RTN4: variants seen among roughly 807,000 people sequenced by gnomAD.
RTN4 encodes reticulon-4.
Under a neutral mutation model 90.4 loss-of-function variants are expected in RTN4, and 32 were observed. The observed-to-expected ratio is 0.35, with a 90% CI of 0.27 to 0.48. The LOEUF is 0.48. Among genes scored for constraint, RTN4 ranks in the 20% least tolerant of loss-of-function variants. RTN4 has a pLI of 0.99. For missense variants in RTN4, 1,706 were observed against 1,430.2 expected, an observed-to-expected ratio of 1.19 and a Z score of -3.11; for synonymous variants, 629 against 552.5, an observed-to-expected ratio of 1.14 and a Z score of -1.94.
chr2:55,131,938 A>G, the RTN4 span, among the ~76,000 whole-genome samples: 81 of 152,276 alleles, frequency 5.3e-4, no homozygotes, highest in Non-Finnish European at 7.3e-5. Context: ...TTATTACATG[A>G]TATTTTAACA....
intron 1 of RTN4, among the ~76,000 whole-genome samples, chr2:55,083,403 C>T (rs939289930): frequency 1.3e-5 from 2 of 152,056 alleles, no homozygotes; most frequent in Non-Finnish European, 2.9e-5. Context: ...AGCTGAGGCA[C>T]GAGGATTGCT....
Position 55,111,498 on chromosome 2 carries a change from G to A in RTN4, c.-214+1022C>T, listed in dbSNP as rs192191839. On this transcript the variant is annotated intron_variant, in intron 1 of 3. Coordinates refer to the RTN4 transcript ENST00000427710. ...AAATAAATGTTCCTCACTCCTGTTC[G>A]CATAAATCCACCTAGCTAGTGTTTG... is the stretch of plus-strand genomic sequence containing the variant. Among the ~76,000 whole-genome samples, 390 of 152,224 alleles carry A rather than the reference G, an allele frequency of 2.6e-3. 4 individuals are homozygous for A. Among genetic ancestry groups the A allele is most frequent in the Non-Finnish European group, 3.6e-3 (242 of 68,010 alleles).
Position 55,050,380 on chromosome 2 carries a change from G to A in RTN4, c.-80C>T, listed in dbSNP as rs1400574510. On this transcript the variant is annotated 5_prime_UTR_variant, in exon 1 of 9. Transcript: ENST00000337526. The surrounding 1 kb of genome is among the most constrained non-coding windows in gnomAD (Gnocchi z 4.6). ...CTCAGAGCCGCGGGCGGTTGTGGGG[G>A]TTGGGGAGGACTGAGAGGGGCTGGG... is the stretch of plus-strand genomic sequence containing the variant. The A allele has an allele frequency of 8.7e-6, 8 of 923,662 alleles. No individual in the cohort carries two copies. The highest frequency in any genetic ancestry group is 3.0e-5 in the East Asian group (1 of 33,004). The allele number at this position is 923,662 out of a possible 1,614,324, so 57.2% of individuals were successfully genotyped here.
intron 2 of RTN4, among the ~76,000 whole-genome samples, 171 bp from the exon 3 acceptor site, chr2:55,027,656 T>C (rs915979694): frequency 6.6e-6 from 1 of 151,652 alleles, no homozygotes; most frequent in Non-Finnish European, 1.5e-5. Context: ...TTACTGAAAA[T>C]ATTAAGCTAT....
Position 55,025,495 on chromosome 2 carries a change from T to C in RTN4, c.2604A>G (p.Ile868Met). Residue 868 changes from isoleucine (I) to methionine (M), a missense_variant, in exon 3 of 9, where the codon ATA (isoleucine) becomes ATG (methionine). Transcript: ENST00000337526. ...AACTGATCAATGTAGGGAACTCATCTATAATTTCAATTGGAGATGAATCTG... is the reference window on the plus strand; with the variant it reads ...AACTGATCAATGTAGGGAACTCATCCATAATTTCAATTGGAGATGAATCTG... ...TFSDSSPIEI[I>M]DEFPTLISSK... is the part of the protein sequence containing the mutation. The C allele has an allele frequency of 6.2e-7, 1 of 1,613,804 alleles. No homozygotes were observed. The highest frequency in any genetic ancestry group is 8.5e-7 in the Non-Finnish European group (1 of 1,179,810).
At chr2:55,012,588 T>A (rs1367263810) in intron 3 of RTN4, among the ~76,000 whole-genome samples, 1 of 152,126 alleles carries the variant, frequency 6.6e-6, no homozygotes, top group African/African-American at 2.4e-5. Context: ...ATTATGAAAA[T>A]CATATAATCT....
intron 1 of RTN4, among the ~76,000 whole-genome samples, chr2:55,096,696 A>C (rs1406797400): frequency 6.6e-6 from 1 of 152,124 alleles, no homozygotes; most frequent in Non-Finnish European, 1.5e-5. Context: ...CTCAATCTGA[A>C]CGCAAGCTAC....
intron 1 of RTN4, among the ~76,000 whole-genome samples, chr2:55,046,105 T>C (rs1251232610): frequency 6.6e-6 from 1 of 151,604 alleles, no homozygotes; most frequent in Admixed American, 6.5e-5. Flanking sequence ...TAAACAGCAA[T>C]GTTAAACAGA....
chr2:55,016,975 T>C (rs1364727941), intron 3 of RTN4, among the ~76,000 whole-genome samples: 4 of 152,198 alleles, frequency 2.6e-5, no homozygotes, highest in Non-Finnish European at 5.9e-5. Context: ...ATGGTACATA[T>C]TTATTTTCAA....
At chr2:55,131,819 G>A in the RTN4 span, among the ~76,000 whole-genome samples, 52 of 152,176 alleles carry the variant, frequency 3.4e-4, no homozygotes, top group Non-Finnish European at 6.0e-4. Flanking sequence ...AGGAGGCGGA[G>A]GTTGCAGTGA....
upstream of RTN4, chr2:55,050,863 G>C (rs2104988811): frequency 6.6e-6 from 1 of 152,234 alleles, no homozygotes; most frequent in Admixed American, 6.5e-5. The surrounding 1 kb of genome is among the most constrained non-coding windows in gnomAD (Gnocchi z 4.6). Context: ...GCGGGCTGCT[G>C]GCTGGGAGGG....
chr2:55,135,865 TC>T, the RTN4 span, among the ~76,000 whole-genome samples: 1 of 152,244 alleles, frequency 6.6e-6, no homozygotes, highest in Admixed American at 6.5e-5. Flanking sequence ...ATTGTGAGGT[TC>T]ATTCATGTTG....
chr2:55,063,804 C>A (rs563408601), intron 2 of RTN4, among the ~76,000 whole-genome samples: 1 of 151,956 alleles, frequency 6.6e-6, no homozygotes, highest in East Asian at 1.9e-4. Flanking sequence ...TTGCTTGAAC[C>A]TGGGAGGCAG....
chr2:55,042,680 T>A (rs1205823541), intron 1 of RTN4, among the ~76,000 whole-genome samples: 1 of 152,196 alleles, frequency 6.6e-6, no homozygotes, highest in Admixed American at 6.5e-5. Context: ...TTCGTAAGAT[T>A]TGGGATTTTT....
At chr2:55,010,012 T>A in intron 3 of RTN4, 1 of 1,526,142 alleles carries the variant, frequency 6.6e-7, no homozygotes, top group Non-Finnish European at 9.0e-7. Context: ...AATATCTAAA[T>A]TCCAAAGCTT....
chr2:55,118,512 G>C, the RTN4 span, among the ~76,000 whole-genome samples: 8 of 152,032 alleles, frequency 5.3e-5, no homozygotes, highest in African/African-American at 1.7e-4. Context: ...AAAGGGTATA[G>C]AATATGGTCC....
At chr2:55,053,065 A>G (rs1002615362), upstream of RTN4, among the ~76,000 whole-genome samples, 6 of 152,234 alleles carry the variant, frequency 3.9e-5, no homozygotes, top group African/African-American at 1.4e-4. Context: ...AGCAGTTAAT[A>G]TTGATGCAAT....
chr2:55,062,593 A>T (rs918793583), intron 2 of RTN4, among the ~76,000 whole-genome samples: 3 of 152,226 alleles, frequency 2.0e-5, no homozygotes, highest in African/African-American at 7.2e-5. Flanking sequence ...ATTTTTGGCA[A>T]GATTGTGTCG....
intron 4 of RTN4, among the ~76,000 whole-genome samples, chr2:54,984,874 G>C (rs374136861): frequency 5.3e-5 from 8 of 152,316 alleles, no homozygotes; most frequent in African/African-American, 1.9e-4. Flanking sequence ...GGGACATTGA[G>C]GCAGGAGGAT....
Sources: allele counts gnomAD v4.1 joint callset (sites outside exome capture counted in the v4.1 genomes callset), GRCh38; gene constraint gnomAD v4.1.1; non-coding constraint Gnocchi (gnomAD v3.1); transcripts MANE v1.5; gene names NCBI Gene and HGNC (gene_info 2026-07-23, HGNC 2026-07-21).